FBXO4: variants seen among roughly 807,000 people sequenced by gnomAD.
FBXO4 encodes F-box only protein 4.
In FBXO4, 36 loss-of-function variants were observed where a neutral mutation model predicts 43.7. That is an observed-to-expected ratio of 0.82 (90% CI 0.63 to 1.09). The LOEUF (loss-of-function observed/expected upper bound fraction) is 1.09. FBXO4 is among the 50% of genes least tolerant of loss of function. The probability of loss-of-function intolerance (pLI) is 0.00; values close to 1 mark genes in which losing one functional copy is unlikely to be tolerated. For missense variants in FBXO4, 435 were observed against 474.1 expected, an observed-to-expected ratio of 0.92 and a Z score of 0.77; for synonymous variants, 180 against 165.6, an observed-to-expected ratio of 1.09 and a Z score of -0.67.
chr5:41,970,610 C>G, the FBXO4 span, among the ~76,000 whole-genome samples: 18 of 150,088 alleles, frequency 1.2e-4, no homozygotes, highest in Admixed American at 6.6e-5. Flanking sequence ...TTTTTAACCA[C>G]AAGGAAAAAA....
At chr5:41,993,618 G>GATATATATATACATATAT in the FBXO4 span, among the ~76,000 whole-genome samples, 3 of 136,632 alleles carry the variant, frequency 2.2e-5, no homozygotes, top group African/African-American at 8.2e-5. Context: ...GAACTAATAG[G>GATATATATATACATATAT]ATATATATAT....
At chr5:42,006,195 T>C in the FBXO4 span, among the ~76,000 whole-genome samples, 416 of 152,260 alleles carry the variant, frequency 2.7e-3, 5 homozygotes, top group South Asian at 0.014. Flanking sequence ...ATTTCTATCA[T>C]CTCACTAGTC....
At chr5:42,030,923 A>G in the FBXO4 span, among the ~76,000 whole-genome samples, 1 of 152,234 alleles carries the variant, frequency 6.6e-6, no homozygotes, top group Non-Finnish European at 1.5e-5. Context: ...ATCTCACACC[A>G]GTTAGAATGG....
At chr5:41,925,976 G>T (rs980120402) in intron 1 of FBXO4, among the ~76,000 whole-genome samples, 8 of 152,110 alleles carry the variant, frequency 5.3e-5, no homozygotes, top group African/African-American at 1.9e-4. Flanking sequence ...GGCTGTTATT[G>T]TGTATTTGAA....
At chr5:41,957,328 A>G in the FBXO4 span, among the ~76,000 whole-genome samples, 103 of 150,996 alleles carry the variant, frequency 6.8e-4, no homozygotes, top group Middle Eastern at 3.5e-3. Flanking sequence ...AGTCTGAATA[A>G]TTTATGTTTT....
the FBXO4 span, among the ~76,000 whole-genome samples, chr5:41,976,525 G>T: frequency 2.9e-4 from 44 of 152,314 alleles, 1 homozygote; most frequent in African/African-American, 8.9e-4. Flanking sequence ...CCCCATGCAA[G>T]TCTGGAACCC....
the FBXO4 span, among the ~76,000 whole-genome samples, chr5:41,953,759 A>AT: frequency 6.6e-6 from 1 of 151,124 alleles, no homozygotes; most frequent in Admixed American, 6.6e-5. Flanking sequence ...GATGATGAGC[A>AT]TTTTTTCATG....
At chr5:42,032,460 C>T in the FBXO4 span, among the ~76,000 whole-genome samples, 1 of 152,140 alleles carries the variant, frequency 6.6e-6, no homozygotes, top group Non-Finnish European at 1.5e-5. Flanking sequence ...TAGTCCTTCC[C>T]ACTCTTCCCT....
chr5:42,033,865 G>C, the FBXO4 span, among the ~76,000 whole-genome samples: 2 of 151,872 alleles, frequency 1.3e-5, no homozygotes, highest in Non-Finnish European at 2.9e-5. Flanking sequence ...TATTCCTTTG[G>C]GTATATACCT....
the FBXO4 span, among the ~76,000 whole-genome samples, chr5:42,008,710 T>G: frequency 6.6e-6 from 1 of 152,218 alleles, no homozygotes; most frequent in African/African-American, 2.4e-5. Flanking sequence ...CATGTTTTTC[T>G]AAACTCCATA....
At chr5:41,943,791 T>TA (rs1192449153), downstream of FBXO4, among the ~76,000 whole-genome samples, 1 of 152,218 alleles carries the variant, frequency 6.6e-6, no homozygotes, top group Non-Finnish European at 1.5e-5. Context: ...ATTGCAGTCC[T>TA]AACTCCCAGT....
At chr5:41,926,807 G>A (rs1751518973) in intron 1 of FBXO4, among the ~76,000 whole-genome samples, 1 of 152,196 alleles carries the variant, frequency 6.6e-6, no homozygotes, top group Non-Finnish European at 1.5e-5. Flanking sequence ...GAAATTAAAT[G>A]TTTAACAACT....
chr5:41,973,328 T>G, the FBXO4 span, among the ~76,000 whole-genome samples: 1 of 152,172 alleles, frequency 6.6e-6, no homozygotes, highest in Non-Finnish European at 1.5e-5. Context: ...TGTTCCTCCT[T>G]ACTAATCATT....
At chr5:41,956,647 A>AT in the FBXO4 span, among the ~76,000 whole-genome samples, 966 of 143,630 alleles carry the variant, frequency 6.7e-3, 9 homozygotes, top group Middle Eastern at 0.029. Context: ...GTTTCTTACA[A>AT]TTTTTTTTCT....
chr5:41,969,183 T>C, the FBXO4 span, among the ~76,000 whole-genome samples: 3 of 152,158 alleles, frequency 2.0e-5, no homozygotes, highest in African/African-American at 7.2e-5. Context: ...TGTAATCCTA[T>C]CTCCTTTATT....
At chr5:41,959,805 T>C in the FBXO4 span, among the ~76,000 whole-genome samples, 1 of 152,122 alleles carries the variant, frequency 6.6e-6, no homozygotes, top group Non-Finnish European at 1.5e-5. Context: ...TGATGCCTCC[T>C]GCTTTGTTCT....
At chr5:42,004,894 G>GT in the FBXO4 span, among the ~76,000 whole-genome samples, 4 of 152,138 alleles carry the variant, frequency 2.6e-5, no homozygotes, top group Admixed American at 6.6e-5. Context: ...CTAAAACCAT[G>GT]TTTTTCATCC....
the FBXO4 span, among the ~76,000 whole-genome samples, chr5:42,033,883 G>A: frequency 4.6e-5 from 7 of 152,054 alleles, no homozygotes; most frequent in Non-Finnish European, 1.0e-4. Flanking sequence ...CCTAGTAATG[G>A]GATTGCTGAG....
chr5:41,948,898 G>C, the FBXO4 span, among the ~76,000 whole-genome samples: 1 of 152,100 alleles, frequency 6.6e-6, no homozygotes, highest in African/African-American at 2.4e-5. Context: ...GGGTTGCAAG[G>C]CTGGTTCAAC....
Sources: gnomAD v4.1 joint callset for allele counts (sites outside exome capture counted in the v4.1 genomes callset) on GRCh38, gnomAD v4.1.1 for gene constraint, MANE v1.5 for transcripts, NCBI Gene and HGNC (gene_info 2026-07-23, HGNC 2026-07-21) for gene names.